Variants in ADAMTS20 observed in about 807,000 individuals in gnomAD.
ADAMTS20 encodes the protein A disintegrin and metalloproteinase with thrombospondin motifs 20.
A neutral mutation model predicts 260.1 loss-of-function variants in ADAMTS20; 225 were observed. That is an observed-to-expected ratio of 0.87 (90% CI 0.78 to 0.97). The LOEUF (loss-of-function observed/expected upper bound fraction) is 0.97, where lower values mean the gene tolerates loss of function less well. ADAMTS20 is among the 50% of genes least tolerant of loss of function. The probability of loss-of-function intolerance (pLI) is 0.00; values close to 1 mark genes in which losing one functional copy is unlikely to be tolerated. For missense variants in ADAMTS20, 2,400 were observed against 2,337.7 expected, an observed-to-expected ratio of 1.03 and a Z score of -0.55; for synonymous variants, 802 against 769.5, an observed-to-expected ratio of 1.04 and a Z score of -0.70.
intron 3 of ADAMTS20, among the ~76,000 whole-genome samples, chr12:43,520,955 T>C (rs1943063663): frequency 6.6e-6 from 1 of 152,204 alleles, no homozygotes; most frequent in African/African-American, 2.4e-5. Flanking sequence ...CTTCGTAAAG[T>C]ACAAAAGATC....
At chr12:43,460,037 AT>A (rs1267447925) in intron 11 of ADAMTS20, among the ~76,000 whole-genome samples, 3 of 152,202 alleles carry the variant, frequency 2.0e-5, no homozygotes, top group Non-Finnish European at 4.4e-5. Flanking sequence ...ATAAAGAAGA[AT>A]GTTAAGGCAA....
At chr12:43,385,588 T>C (rs1328822072) in intron 29 of ADAMTS20, among the ~76,000 whole-genome samples, 1 of 152,158 alleles carries the variant, frequency 6.6e-6, no homozygotes, top group African/African-American at 2.4e-5. Context: ...TTAGATCTTA[T>C]GTTTAAGTCT....
intron 7 of ADAMTS20, 150 bp from the exon 8 acceptor site, chr12:43,468,855 GA>G: frequency 2.0e-6 from 1 of 504,036 alleles, no homozygotes. Context: ...TTTAAAAGGT[GA>G]AAAAGAGAAT....
intron 3 of ADAMTS20, among the ~76,000 whole-genome samples, chr12:43,506,184 GACA>G (rs1381063220): frequency 6.6e-6 from 1 of 150,448 alleles, no homozygotes; most frequent in Admixed American, 6.6e-5. Flanking sequence ...TGTGACATAT[GACA>G]ACATGAATGA....
chr12:43,431,337 C>T lies in ADAMTS20; in HGVS notation c.3256G>A (p.Gly1086Ser), dbSNP rs747716449. 6.2e-6 allele frequency: 10 copies of T among 1,613,632 alleles called. No homozygotes were observed. Among genetic ancestry groups the T allele is most frequent in the Non-Finnish European group, 7.6e-6 (9 of 1,179,726 alleles). ...TCASWQVGPW[G>S]PCTTTCGHGY... ...AACCCATATCATATACTCACAGGAC[C>T]CCATGGTCCTACTTGCCAGGAAGCA... Residue 1086 changes from glycine to serine, a missense_variant, in exon 22 of 39, where the codon GGT (glycine) becomes AGT (serine). Gly to Ser is a moderately conservative substitution (Grantham distance 56). Coordinates refer to ENST00000389420, the MANE Select transcript of ADAMTS20 (RefSeq NM_025003.5).
intron 29 of ADAMTS20, among the ~76,000 whole-genome samples, chr12:43,388,645 G>T (rs1940534139): frequency 6.6e-6 from 1 of 152,146 alleles, no homozygotes; most frequent in African/African-American, 2.4e-5. Flanking sequence ...ATTTATTCCT[G>T]TCAACAGCTC....
At position 43,439,691 on chromosome 12, in the gene ADAMTS20, C is replaced by A. The variant is rs145124475; in HGVS notation, c.2524G>T (p.Glu842Ter). 1.2e-6 allele frequency: 2 copies of A among 1,613,654 alleles called. No individual in the cohort carries two copies. Among genetic ancestry groups the A allele is most frequent in the African/African-American group, 2.7e-5 (2 of 74,870 alleles). ...CATGTGAACATGTCACTCCTCTCTT[C>A]CAAAGGGATATTGAAGGAATAATGT... ...DVHYSFNIPLEERSDMFTWDP... is the reference protein window; with the variant it reads ...DVHYSFNIPL Residue 842 changes from glutamate to a stop codon, truncating the protein, a stop_gained, in exon 18 of 39, where the codon GAA (glutamate) becomes TAA (stop). Transcript: ENST00000389420. LOFTEE classifies it high-confidence loss of function.
At chr12:43,355,067 AT>A (rs1205466908) in intron 38 of ADAMTS20, among the ~76,000 whole-genome samples, 1 of 152,140 alleles carries the variant, frequency 6.6e-6, no homozygotes, top group Non-Finnish European at 1.5e-5. Context: ...GGAAAAGGTA[AT>A]TTTTTTAAAT....
At chr12:43,388,976 G>T (rs1248604000) in intron 29 of ADAMTS20, among the ~76,000 whole-genome samples, 2 of 152,056 alleles carry the variant, frequency 1.3e-5, no homozygotes, top group African/African-American at 2.4e-5. Context: ...ACTAGAAAAG[G>T]CCCCACCTCC....
Position 43,399,201 on chromosome 12 carries a change from G to T in ADAMTS20, c.4317C>A (p.Tyr1439Ter). Reference protein sequence around the residue: ...CSASCGKGRKYREVFCIDQFQ... With the variant: ...CSASCGKGRK ...ATTGGTCAATGCAAAACACTTCACGGTACTTTCTACCTTTACCACAAGAAG... is the reference window on the plus strand; with the variant it reads ...ATTGGTCAATGCAAAACACTTCACGTTACTTTCTACCTTTACCACAAGAAG... The change falls in exon 29 of 39, where the codon TAC becomes TAA. Residue 1439 changes from tyrosine (Y) to a stop codon, truncating the protein, a stop_gained. Coordinates refer to ENST00000389420, the MANE Select transcript of ADAMTS20 (RefSeq NM_025003.5). LOFTEE classifies it high-confidence loss of function. The T allele has an allele frequency of 6.4e-7, 1 of 1,567,046 alleles. No homozygotes were observed. Among genetic ancestry groups the T allele is most frequent in the East Asian group, 2.3e-5 (1 of 42,906 alleles).
chr12:43,522,055 C>G (rs1943079303), intron 3 of ADAMTS20, among the ~76,000 whole-genome samples: 1 of 152,168 alleles, frequency 6.6e-6, no homozygotes, highest in African/African-American at 2.4e-5. Flanking sequence ...TTAGTTCGTT[C>G]TCACGCTGCT....
chr12:43,550,086 C>A (rs1314324168), intron 2 of ADAMTS20, among the ~76,000 whole-genome samples: 1 of 152,036 alleles, frequency 6.6e-6, no homozygotes, highest in Non-Finnish European at 1.5e-5. Context: ...ATGGAGTGAG[C>A]CTATATATGT....
chr12:43,526,402 G>A lies in ADAMTS20; in HGVS notation c.613+5634C>T, dbSNP rs530520865. Reference sequence around the variant, plus strand: ...GAACCCGGAAGGCGGAGCTTGTGGTGAGCCGAGATCGTGCCACTGCACTCC... The same window carrying A: ...GAACCCGGAAGGCGGAGCTTGTGGTAAGCCGAGATCGTGCCACTGCACTCC... On this transcript the variant is annotated intron_variant, in intron 3 of 38. Transcript: ENST00000389420. 4.9e-4 allele frequency among the ~76,000 whole-genome samples: 74 copies of A among 152,236 alleles called. 1 individual carries two copies. The highest frequency in any genetic ancestry group is 6.8e-3 in the Middle Eastern group (2 of 294).
chr12:43,515,077 T>A (rs1242165824), intron 3 of ADAMTS20, among the ~76,000 whole-genome samples: 3 of 152,208 alleles, frequency 2.0e-5, no homozygotes, highest in African/African-American at 4.8e-5. Context: ...AACTCCCTTT[T>A]GTTTTTCAAA....
chr12:43,394,076 G>A (rs1592045708), intron 29 of ADAMTS20, among the ~76,000 whole-genome samples: 1 of 152,022 alleles, frequency 6.6e-6, no homozygotes, highest in Non-Finnish European at 1.5e-5. Context: ...TGGAACTGTG[G>A]CAGCCATTTT....
At chr12:43,481,160 A>G (rs548307184) in intron 7 of ADAMTS20, among the ~76,000 whole-genome samples, 88 of 152,290 alleles carry the variant, frequency 5.8e-4, no homozygotes, top group Admixed American at 2.2e-3. Context: ...GAGGTTGCAC[A>G]TTTTTTGTGT....
At chr12:43,430,151 A>AT (rs1941412472) in intron 23 of ADAMTS20, among the ~76,000 whole-genome samples, 1 of 152,108 alleles carries the variant, frequency 6.6e-6, no homozygotes, top group Non-Finnish European at 1.5e-5. Flanking sequence ...AGTAAAAAAA[A>AT]AAAAAAAATT....
In ADAMTS20 at chr12:43,462,084, C is replaced by T. The variant is rs1038413318; in HGVS notation, c.1614+811G>A. 6.6e-5 allele frequency among the ~76,000 whole-genome samples: 10 copies of T among 152,186 alleles called. No individual in the cohort carries two copies. The East Asian group carries it at 1.9e-3, about 29-fold the overall frequency. On this transcript the variant is annotated intron_variant, in intron 11 of 38. Coordinates refer to ENST00000389420, the MANE Select transcript of ADAMTS20 (RefSeq NM_025003.5). ...AAAGCAATAGCTATTATAAATATTT[C>T]AAGGAAGCAAGAAGTGGTAAAGGCA...
chr12:43,446,435 T>A (rs1941761725), intron 15 of ADAMTS20, among the ~76,000 whole-genome samples, 160 bp downstream of exon 15: 1 of 152,174 alleles, frequency 6.6e-6, no homozygotes, highest in Admixed American at 6.5e-5. Flanking sequence ...AATACAGTAT[T>A]TAATTTTTTT....
Sources: gnomAD v4.1 joint callset for allele counts (sites outside exome capture counted in the v4.1 genomes callset) on GRCh38, gnomAD v4.1.1 for gene constraint, MANE v1.5 for transcripts, NCBI Gene and HGNC (gene_info 2026-07-23, HGNC 2026-07-21) for gene names.